The following HDX variants were observed in gnomAD, a reference collection of about 807,000 sequenced individuals.
HDX encodes chromosome X open reading frame 43.
Under a neutral mutation model 45.2 loss-of-function variants are expected in HDX, and 19 were observed. The observed-to-expected ratio is 0.42, with a 90% CI of 0.29 to 0.62. HDX has a LOEUF of 0.62. Ranked by LOEUF, HDX falls within the 20% of genes least tolerant of loss-of-function variation. HDX has a pLI of 0.20. For missense variants in HDX, 532 were observed against 493.9 expected (o/e 1.08, Z -0.73); for synonymous variants, 188 against 172.8 (o/e 1.09, Z -0.69).
At chrX:84,352,985 C>G (rs765225118) in intron 6 of HDX, among the ~76,000 whole-genome samples, 3 of 111,120 alleles carry the variant, frequency 2.7e-5, no homozygotes, top group Non-Finnish European at 5.7e-5. Context: ...AAAAAAAAAG[C>G]AGAAACGAAG....
intron 5 of HDX, among the ~76,000 whole-genome samples, chrX:84,422,467 G>A (rs2039279045): frequency 9.1e-6 from 1 of 109,922 alleles, no homozygotes; most frequent in South Asian, 3.8e-4. Flanking sequence ...AAGCAGAAGA[G>A]ATCAAATGCA....
chrX:84,361,673 A>G, intron 5 of HDX, 61 bp from the exon 6 acceptor site: 1 of 935,423 alleles, frequency 1.1e-6, no homozygotes, highest in South Asian at 3.1e-5. Flanking sequence ...AAAGGAAATA[A>G]TATTATAAAG....
intron 5 of HDX, among the ~76,000 whole-genome samples, chrX:84,388,411 T>C (rs1477999947): frequency 2.7e-5 from 3 of 111,898 alleles, no homozygotes; most frequent in Non-Finnish European, 5.6e-5. Flanking sequence ...AAGTCGCTTA[T>C]GCTGTCTCCT....
intron 4 of HDX, among the ~76,000 whole-genome samples, chrX:84,456,385 A>G (rs2040113818): frequency 9.0e-6 from 1 of 111,639 alleles, no homozygotes; most frequent in African/African-American, 3.3e-5. Flanking sequence ...AAAGCATACA[A>G]TGGATACACA....
chrX:84,348,212 C>G (rs923789997), intron 6 of HDX, among the ~76,000 whole-genome samples: 1 of 111,508 alleles, frequency 9.0e-6, no homozygotes, highest in East Asian at 2.8e-4. Context: ...GATATATCAT[C>G]AAGTTCAGAA....
At chrX:84,424,926 C>A (rs1848109837) in intron 5 of HDX, among the ~76,000 whole-genome samples, 1 of 108,664 alleles carries the variant, frequency 9.2e-6, no homozygotes, top group Non-Finnish European at 1.9e-5. Flanking sequence ...TGGAGCAATA[C>A]CGCACAAGGG....
chrX:84,470,239 A>G (rs954057273), intron 3 of HDX, among the ~76,000 whole-genome samples: 3 of 111,483 alleles, frequency 2.7e-5, no homozygotes, highest in African/African-American at 9.8e-5. Context: ...AAAAATTGCT[A>G]GGCTCTAATA....
chrX:84,375,800 C>T (rs1835999588), intron 5 of HDX, among the ~76,000 whole-genome samples: 1 of 110,015 alleles, frequency 9.1e-6, no homozygotes, highest in Non-Finnish European at 1.9e-5. Flanking sequence ...TGCTAAATGA[C>T]GAGTTAATGG....
chrX:84,333,273 A>C (rs1361169615), intron 9 of HDX, among the ~76,000 whole-genome samples: 1 of 111,589 alleles, frequency 9.0e-6, no homozygotes, highest in Non-Finnish European at 1.9e-5. Flanking sequence ...AATGACATTA[A>C]GAAAAGGTCA....
chrX:84,461,564 A>G (rs996097841), intron 4 of HDX, among the ~76,000 whole-genome samples: 5 of 111,584 alleles, frequency 4.5e-5, no homozygotes, highest in Non-Finnish European at 5.7e-5. Context: ...TGAAATTACT[A>G]GAAGAAAACT....
At chrX:84,441,028 T>G (rs762360920) in intron 4 of HDX, among the ~76,000 whole-genome samples, 3 of 111,390 alleles carry the variant, frequency 2.7e-5, no homozygotes, top group Non-Finnish European at 5.7e-5. Flanking sequence ...ACTCTATATA[T>G]ACTACATTTA....
At chrX:84,426,478 A>G in intron 5 of HDX, among the ~76,000 whole-genome samples, 1 of 111,425 alleles carries the variant, frequency 9.0e-6, no homozygotes, top group East Asian at 2.8e-4. Flanking sequence ...TTAAAAAGAA[A>G]GAAACACTGA....
chrX:84,368,113 C>T lies in HDX; in HGVS notation c.1306-6501G>A, dbSNP rs182773604. ...TGGGTTTTATTCTACTGTGTAATTT[C>T]TGCCAATTTAGTGAAAACATAGCTT... On this transcript the variant is annotated intron_variant, in intron 5 of 10. Transcript: ENST00000373177. 2.5e-3 allele frequency among the ~76,000 whole-genome samples: 281 copies of T among 111,490 alleles called. 2 individuals are homozygous for T. The highest frequency in any genetic ancestry group is 8.9e-3 in the African/African-American group (273 of 30,761).
intron 6 of HDX, among the ~76,000 whole-genome samples, chrX:84,354,082 T>C (rs1334114993): frequency 1.8e-5 from 2 of 111,873 alleles, no homozygotes; most frequent in Non-Finnish European, 3.8e-5. Context: ...ATATGATCAA[T>C]GGACAAGTTA....
rs779043940 is a variant in HDX at position 84,326,249 on chromosome X, A to C, written c.1876T>G (p.Tyr626Asp). ...CTAACAAAAGTCTGAAGTTTAAAGT[A>C]TTTTTGCTTTTGAATCTCGAGCTCA... The part of the protein sequence containing the change: ...ENELEIQKQK[Y>D]FKLQTFVRSL... Residue 626 changes from tyrosine (Y) to aspartate (D), a missense_variant, in exon 10 of 11, where the codon TAC (tyrosine) becomes GAC (aspartate). Around this residue, in one of 3 missense-constraint regions of HDX, gnomAD observed 151 missense variants for 131.8 expected, o/e 1.15. Coordinates refer to ENST00000373177, the MANE Select transcript of HDX (RefSeq NM_001177479.2). The C allele has an allele frequency of 8.4e-7, 1 of 1,193,708 alleles. No individual in the cohort carries two copies. The highest frequency in any genetic ancestry group is 1.8e-5 in the African/African-American group (1 of 56,897).
At chrX:84,475,443 T>C in intron 2 of HDX, 46 bp from the exon 3 acceptor site, 1 of 857,780 alleles carries the variant, frequency 1.2e-6, no homozygotes, top group Non-Finnish European at 1.6e-6. Context: ...AAAAATTTGG[T>C]ATGTGCAGAA....
At chrX:84,368,059 T>C (rs1318659186) in intron 5 of HDX, among the ~76,000 whole-genome samples, 2 of 111,738 alleles carry the variant, frequency 1.8e-5, no homozygotes, top group Non-Finnish European at 3.8e-5. Flanking sequence ...TGCATGATGG[T>C]CCCTTTTTTC....
At chrX:84,389,867 C>T (rs1330854901) in intron 5 of HDX, among the ~76,000 whole-genome samples, 3 of 110,938 alleles carry the variant, frequency 2.7e-5, no homozygotes, top group Non-Finnish European at 5.7e-5. Context: ...GACCAGCTCA[C>T]ATGTCTGTCG....
intron 5 of HDX, among the ~76,000 whole-genome samples, chrX:84,379,348 A>T (rs1407153727): frequency 9.0e-6 from 1 of 110,630 alleles, no homozygotes; most frequent in Admixed American, 9.7e-5. Context: ...ATCAACAAAG[A>T]AACATTAGAC....
Sources: allele counts gnomAD v4.1 joint callset (sites outside exome capture counted in the v4.1 genomes callset), GRCh38; gene constraint gnomAD v4.1.1; regional missense constraint gnomAD v4.1.1; transcripts MANE v1.5; gene names NCBI Gene and HGNC (gene_info 2026-07-23, HGNC 2026-07-21).